CNTRL: variants seen among roughly 807,000 people sequenced by gnomAD.
CNTRL encodes the protein centriolin.
Under a neutral mutation model 303.7 loss-of-function variants are expected in CNTRL, and 233 were observed. That is an observed-to-expected ratio of 0.77 (90% CI 0.69 to 0.86). The LOEUF (loss-of-function observed/expected upper bound fraction) is 0.86. Among genes scored for constraint, CNTRL ranks in the 40% least tolerant of loss-of-function variants. CNTRL has a pLI of 0.00. For synonymous variants in CNTRL, 900 were observed against 922.2 expected, an observed-to-expected ratio of 0.98 and a Z score of 0.44; for missense variants, 2,524 against 2,650.6, an observed-to-expected ratio of 0.95 and a Z score of 1.05.
chr9:121,104,009 G>A (rs2088560229), intron 7 of CNTRL, among the ~76,000 whole-genome samples: 1 of 152,164 alleles, frequency 6.6e-6, no homozygotes, highest in Non-Finnish European at 1.5e-5. Context: ...ATTTGACCCA[G>A]CCATCCCATT....
intron 27 of CNTRL, 55 bp downstream of exon 27, chr9:121,154,968 GT>G: frequency 7.0e-7 from 1 of 1,428,914 alleles, no homozygotes; most frequent in African/African-American, 1.4e-5. Flanking sequence ...TCAGCTTACT[GT>G]CCACCTGAAG....
chr9:121,122,243 G>C (rs1244276036), intron 12 of CNTRL, among the ~76,000 whole-genome samples: 1 of 152,174 alleles, frequency 6.6e-6, no homozygotes, highest in Non-Finnish European at 1.5e-5. Context: ...AATTTACTTA[G>C]AATGTAAGCT....
At chr9:121,080,824 A>G (rs1474490487) in intron 2 of CNTRL, among the ~76,000 whole-genome samples, 2 of 152,198 alleles carry the variant, frequency 1.3e-5, no homozygotes, top group African/African-American at 4.8e-5. Flanking sequence ...GCCCATCATA[A>G]AGGTCATGGC....
chr9:121,109,582 T>TGC (rs1417958645), intron 8 of CNTRL, among the ~76,000 whole-genome samples: 2 of 151,888 alleles, frequency 1.3e-5, no homozygotes, highest in Admixed American at 1.3e-4. Flanking sequence ...AAAATCTGTG[T>TGC]GTGTGTGTGT....
At chr9:121,163,008 C>T (rs575649666) in intron 34 of CNTRL, among the ~76,000 whole-genome samples, 36 of 152,050 alleles carry the variant, frequency 2.4e-4, no homozygotes, top group Non-Finnish European at 4.1e-4. Flanking sequence ...AAAAAAGAAT[C>T]TCAATTCATA....
intron 40 of CNTRL, 44 bp from the exon 41 acceptor site, chr9:121,173,199 C>A: frequency 6.5e-7 from 1 of 1,549,740 alleles, no homozygotes; most frequent in Non-Finnish European, 8.7e-7. Context: ...CCAAGTAAGT[C>A]TGAAATTTTA....
At position 121,146,372 on chromosome 9, in the gene CNTRL, G is replaced by A. The variant is rs538422152; in HGVS notation, c.3459+116G>A. The A allele has an allele frequency of 7.5e-5, 75 of 996,848 alleles. 2 individuals are homozygous for A. Among genetic ancestry groups the A allele is most frequent in the South Asian group, 7.1e-4 (40 of 56,640 alleles). 61.8% of individuals were successfully genotyped at this position (996,848 alleles called of 1,614,324 possible). ...AAAAACAACATTTCTATGCTAAGCC[G>A]TGCATTGAGGTTCTGTAGCGTTTTT... On this transcript the variant is annotated intron_variant, in intron 23 of 43. Transcript: ENST00000373855.
chr9:121,099,458 A>T (rs1465569883), intron 7 of CNTRL, among the ~76,000 whole-genome samples: 1 of 152,248 alleles, frequency 6.6e-6, no homozygotes, highest in East Asian at 1.9e-4. Context: ...GAGAAACCAG[A>T]GCAGAAAAGC....
At chr9:121,098,644 T>C (rs1396221484) in intron 7 of CNTRL, 72 bp downstream of exon 7, 1 of 990,066 alleles carries the variant, frequency 1.0e-6, no homozygotes, top group South Asian at 1.7e-5. Context: ...TCTAGAAATA[T>C]GTATCATGAA....
intron 29 of CNTRL, 50 bp downstream of exon 29, chr9:121,157,930 T>G: frequency 6.2e-7 from 1 of 1,613,764 alleles, no homozygotes; most frequent in East Asian, 2.2e-5. Flanking sequence ...GGAAGACAGC[T>G]CTGGGGTTCC....
intron 10 of CNTRL, 113 bp from the exon 11 acceptor site, chr9:121,114,978 A>C: frequency 3.4e-6 from 2 of 588,698 alleles, no homozygotes; most frequent in Non-Finnish European, 5.9e-6. Flanking sequence ...ATATAATGAC[A>C]GTTTAATAGA....
At chr9:121,118,310 C>G (rs2050074558) in intron 11 of CNTRL, 36 bp from the exon 12 acceptor site, 1 of 1,412,162 alleles carries the variant, frequency 7.1e-7, no homozygotes, top group Non-Finnish European at 9.5e-7. Flanking sequence ...TGTTGTTCTT[C>G]TCTGTTAATT....
At chr9:121,148,972 G>A in intron 24 of CNTRL, 111 bp downstream of exon 24, 1 of 968,128 alleles carries the variant, frequency 1.0e-6, no homozygotes, top group Non-Finnish European at 1.5e-6. Context: ...AGCTCCATGA[G>A]GTCTTCTGTG....
At chr9:121,152,730 A>G (rs1056424425) in intron 26 of CNTRL, 37 bp downstream of exon 26, 2 of 1,427,250 alleles carry the variant, frequency 1.4e-6, no homozygotes, top group South Asian at 1.2e-5. Flanking sequence ...GACAAATACG[A>G]TATTAGTTCA....
intron 8 of CNTRL, among the ~76,000 whole-genome samples, chr9:121,109,577 CTG>C (rs34866494): frequency 1.3e-5 from 2 of 150,692 alleles, no homozygotes; most frequent in Non-Finnish European, 3.0e-5. Flanking sequence ...CAGAGAAAAT[CTG>C]TGTGTGTGTG....
At chr9:121,078,410 A>G (rs1356503679) in intron 1 of CNTRL, among the ~76,000 whole-genome samples, 1 of 152,216 alleles carries the variant, frequency 6.6e-6, no homozygotes, top group African/African-American at 2.4e-5. Context: ...TCTGTCTCAA[A>G]AAAAGAAAAA....
intron 4 of CNTRL, among the ~76,000 whole-genome samples, chr9:121,093,173 ACTTTGTTTCC>A (rs2048742298): frequency 6.6e-6 from 1 of 152,042 alleles, no homozygotes; most frequent in Non-Finnish European, 1.5e-5. Context: ...TTTATTCACT[ACTTTGTTTCC>A]AGTACCTAGA....
At chr9:121,086,130 G>A (rs1254300135) in intron 2 of CNTRL, among the ~76,000 whole-genome samples, 1 of 152,100 alleles carries the variant, frequency 6.6e-6, no homozygotes, top group Admixed American at 6.6e-5. Context: ...ATTGTTGGAC[G>A]ATGGAGAGGG....
intron 39 of CNTRL, among the ~76,000 whole-genome samples, chr9:121,170,254 A>G (rs1298084885): frequency 6.6e-6 from 1 of 151,952 alleles, no homozygotes; most frequent in Non-Finnish European, 1.5e-5. Context: ...AGCGATTCTC[A>G]TGCCTCAGCC....
Sources: allele counts gnomAD v4.1 joint callset (sites outside exome capture counted in the v4.1 genomes callset), GRCh38; gene constraint gnomAD v4.1.1; transcripts MANE v1.5; gene names NCBI Gene and HGNC (gene_info 2026-07-23, HGNC 2026-07-21).